The following SHISA7 variants were observed in gnomAD, a reference collection of about 807,000 sequenced individuals.
SHISA7 encodes the protein shisa family member 7, also known as protein shisa-7.
A neutral mutation model predicts 23.9 loss-of-function variants in SHISA7; 6 were observed. The ratio of observed to expected loss-of-function variants is 0.25; its 90% CI spans 0.14 to 0.50. The LOEUF (loss-of-function observed/expected upper bound fraction) is 0.50. SHISA7 is among the 20% of genes least tolerant of loss of function. SHISA7 has a pLI of 0.98. For missense variants in SHISA7, 671 were observed against 801.1 expected (o/e 0.84, Z 1.96); for synonymous variants, 386 against 398.3 (o/e 0.97, Z 0.37).
chr19:55,437,748 C>G lies in SHISA7; in HGVS notation c.833G>C (p.Arg278Pro), dbSNP rs1021841055. 3 of 1,549,988 alleles carry G rather than the reference C, an allele frequency of 1.9e-6. No individual in the cohort carries two copies. In the African/African-American group the frequency reaches 4.1e-5, roughly 21 times the overall value. ...GGAGGGGCTGGGCGGCGGCAAGGCT[C>G]GCCAGTCTGGGTTAGAGGGGGCAGG... Reference protein sequence around the residue: ...NTVKTPNLDWRALPPPSPSLH... With the variant: ...NTVKTPNLDWPALPPPSPSLH... Residue 278 changes from arginine to proline, a missense_variant, in exon 3 of 4, where the codon CGA (arginine) becomes CCA (proline). Arg to Pro is a moderately radical substitution (Grantham distance 103). This residue lies in a region of SHISA7 where 457 missense variants were observed against 488.3 expected (regional missense o/e 0.94). Transcript: ENST00000376325.
Position 55,431,549 on chromosome 19 carries a change from G to T in SHISA7, c.*1607C>A, listed in dbSNP as rs1985208592. On this transcript the variant is annotated 3_prime_UTR_variant, in exon 4 of 4. Transcript: ENST00000376325. ...AATCCTGGAAGAAGATGATACCATAGTTGTGGGTCATAGGTAATCCTGGGG... is the reference window on the plus strand; with the variant it reads ...AATCCTGGAAGAAGATGATACCATATTTGTGGGTCATAGGTAATCCTGGGG... 6.6e-6 allele frequency: 1 copy of T among 152,178 alleles called. No individual in the cohort carries two copies. The highest frequency in any genetic ancestry group is 1.5e-5 in the Non-Finnish European group (1 of 68,024). 9.4% of individuals were successfully genotyped at this position (152,178 alleles called of 1,614,324 possible).
At chr19:55,437,864 C>T in intron 2 of SHISA7, 110 bp from the exon 3 acceptor site, 1 of 1,341,208 alleles carries the variant, frequency 7.5e-7, no homozygotes, top group Non-Finnish European at 9.9e-7. Flanking sequence ...AACCCAGCCC[C>T]TCTTCCTTCA....
chr19:55,433,534 C>G lies in SHISA7; in HGVS notation c.1239G>C (p.Leu413=). The change falls in exon 4 of 4, where the codon CTG becomes CTC. Residue 413 remains leucine (L), a synonymous_variant. Coordinates refer to ENST00000376325, the MANE Select transcript of SHISA7 (RefSeq NM_001145176.2). This position sits in a 1 kb window ranked among gnomAD's most constrained non-coding sequence, Gnocchi z 8.4. ...GCAGGGCCTCGGGCGAGGACAGCAG[C>G]AGGTGCTCCTGCGACACCAGGCGCG... ...PRARLVSQEH[L]LLSSPEALRQ... is the part of the protein sequence containing the mutation. The G allele has an allele frequency of 1.3e-6, 2 of 1,490,394 alleles. No homozygotes were observed. The highest frequency in any genetic ancestry group is 2.5e-5 in the South Asian group (2 of 79,612). 92.3% of individuals were successfully genotyped at this position (1,490,394 alleles called of 1,614,324 possible).
chr19:55,440,471 G>T, intron 2 of SHISA7, 140 bp downstream of exon 2: 1 of 792,326 alleles, frequency 1.3e-6, no homozygotes, highest in Non-Finnish European at 1.7e-6. Flanking sequence ...CGCAGGGCAG[G>T]ACCCGGCAGT....
intron 2 of SHISA7, among the ~76,000 whole-genome samples, chr19:55,438,799 G>A (rs534496286): frequency 2.2e-4 from 33 of 152,118 alleles, no homozygotes; most frequent in African/African-American, 7.2e-4. Flanking sequence ...AACTGAGGCT[G>A]GGGGTCTTGA....
At position 55,442,836 on chromosome 19, in the gene SHISA7, G is replaced by A. The variant is rs1985628808; in HGVS notation, c.28C>T (p.Leu10=). 7.2e-7 allele frequency: 1 copy of A among 1,393,718 alleles called. No individual in the cohort carries two copies. Among genetic ancestry groups the A allele is most frequent in the Non-Finnish European group, 9.3e-7 (1 of 1,075,810 alleles). The allele number at this position is 1,393,718 out of a possible 1,614,324, so 86.3% of individuals were successfully genotyped here. Residue 10 remains leucine (L), a synonymous_variant, in exon 1 of 4, where the codon CTG becomes TTG. Coordinates refer to ENST00000376325, the MANE Select transcript of SHISA7 (RefSeq NM_001145176.2). ...CTGGCCTGGCCGGCGCTAGAGGCCA[G>A]GAGTACGAGGAGCAGGAGGGCCGGC... is the stretch of plus-strand genomic sequence containing the variant. MPALLLLVL[L]ASSAGQARAR...
Position 55,433,424 on chromosome 19 carries a change from G to A in SHISA7, c.1349C>T (p.Ser450Leu). ...DPTARASLAA[S>L]HSNLLLGPGG... ...GGGCCCCAGCAGCAGGTTGGAGTGCGAGGCGGCCAGGCTGGCCCGGGCGGT... is the reference window on the plus strand; with the variant it reads ...GGGCCCCAGCAGCAGGTTGGAGTGCAAGGCGGCCAGGCTGGCCCGGGCGGT... The change falls in exon 4 of 4, where the codon TCG becomes TTG. Residue 450 changes from serine to leucine, a missense_variant. By Grantham distance (145) the Ser-to-Leu change is moderately radical. Transcript: ENST00000376325. This position sits in a 1 kb window ranked among gnomAD's most constrained non-coding sequence, Gnocchi z 8.4. The A allele has an allele frequency of 7.5e-7, 1 of 1,325,922 alleles. No homozygotes were observed. Among genetic ancestry groups the A allele is most frequent in the East Asian group, 3.2e-5 (1 of 31,536 alleles). 82.1% of individuals were successfully genotyped at this position (1,325,922 alleles called of 1,614,324 possible). A position where few individuals can be genotyped will look rare whatever the true frequency, so the allele number is the denominator to read the frequency against.
intron 1 of SHISA7, among the ~76,000 whole-genome samples, 181 bp from the exon 2 acceptor site, chr19:55,440,946 G>A (rs1985587352): frequency 6.6e-6 from 1 of 152,046 alleles, no homozygotes; most frequent in Non-Finnish European, 1.5e-5. Context: ...CCTTTCTCAG[G>A]CCACACTTCC....
intron 3 of SHISA7, among the ~76,000 whole-genome samples, chr19:55,435,293 G>GGT (rs556347789): frequency 7.6e-6 from 1 of 132,162 alleles, no homozygotes; most frequent in Non-Finnish European, 1.6e-5. Flanking sequence ...GTGTATATGT[G>GGT]GTGTGTGTGT....
Position 55,442,406 on chromosome 19 carries a change from G to T in SHISA7, c.458C>A (p.Ala153Glu). 7.2e-7 allele frequency: 1 copy of T among 1,379,362 alleles called. No individual in the cohort carries two copies. Among genetic ancestry groups the T allele is most frequent in the Non-Finnish European group, 9.4e-7 (1 of 1,068,626 alleles). 85.4% of individuals were successfully genotyped at this position (1,379,362 alleles called of 1,614,324 possible). ...LAGGAGGAGGAGGGPGPGQAG... is the reference protein window; with the variant it reads ...LAGGAGGAGGEGGGPGPGQAG... ...CTGGCCGGGCCCTGGCCCCCCGCCC[G>T]CACCCCCAGCGCCCCCGGCGCCCCC... The change falls in exon 1 of 4, where the codon GCG (alanine) becomes GAG (glutamate). Residue 153 changes from alanine (A) to glutamate (E), a missense_variant. Physicochemically the swap from Ala to Glu is moderately radical, Grantham distance 107. This residue lies in a region of SHISA7 where 59 missense variants were observed against 57.2 expected (regional missense o/e 1.03). Coordinates refer to ENST00000376325, the MANE Select transcript of SHISA7 (RefSeq NM_001145176.2).
chr19:55,432,853 C>A lies in SHISA7; in HGVS notation c.*303G>T. On this transcript the variant is annotated 3_prime_UTR_variant, in exon 4 of 4. Transcript: ENST00000376325. The surrounding 1 kb of genome is among the most constrained non-coding windows in gnomAD (Gnocchi z 4.6). ...GGGCCGGCCTCTTCCTCTGTGATGA[C>A]CTCATGGGAACGAGGCTTTGTCCCT... The A allele has an allele frequency of 2.8e-6, 1 of 356,870 alleles. No homozygotes were observed. The allele number at this position is 356,870 out of a possible 1,614,324, so 22.1% of individuals were successfully genotyped here.
intron 3 of SHISA7, among the ~76,000 whole-genome samples, chr19:55,435,280 T>G (rs926760203): frequency 1.6e-5 from 2 of 125,704 alleles, no homozygotes; most frequent in Admixed American, 8.2e-5. Flanking sequence ...CGTGTGTGCG[T>G]GTGTGTATAT....
At chr19:55,437,823 G>A (rs929628195) in intron 2 of SHISA7, 69 bp from the exon 3 acceptor site, 28 of 1,485,326 alleles carry the variant, frequency 1.9e-5, no homozygotes, top group Admixed American at 9.1e-5. Context: ...CAGGCCCCCA[G>A]CCCCTGCTCC....
intron 1 of SHISA7, 43 bp from the exon 2 acceptor site, chr19:55,440,808 G>T: frequency 8.1e-7 from 1 of 1,235,156 alleles, no homozygotes; most frequent in Non-Finnish European, 1.0e-6. Context: ...GGGGCTGAGG[G>T]TGGCAGGGGT....
rs1047306736 is a variant in SHISA7, at chr19:55,437,594, C to A, written c.976+11G>T. On this transcript the variant is annotated intron_variant, in intron 3 of 3. Transcript: ENST00000376325. ...CCCCTTCACCGCCGCGCTGCCCTTG[C>A]CAGGACTCACCCAGCCTCTTGAGGG... is the stretch of plus-strand genomic sequence containing the variant. 1 of 1,550,256 alleles carries A rather than the reference C, an allele frequency of 6.5e-7. No individual in the cohort carries two copies. The highest frequency in any genetic ancestry group is 2.4e-5 in the East Asian group (1 of 40,882).
chr19:55,441,095 G>T (rs984883097), intron 1 of SHISA7, among the ~76,000 whole-genome samples: 1 of 152,152 alleles, frequency 6.6e-6, no homozygotes, highest in Non-Finnish European at 1.5e-5. Flanking sequence ...GCAACAAAGG[G>T]TGCTCCATTT....
intron 2 of SHISA7, among the ~76,000 whole-genome samples, chr19:55,440,383 GC>G (rs538812682): frequency 1.1e-4 from 16 of 152,380 alleles, no homozygotes; most frequent in Middle Eastern, 3.4e-3. Context: ...TGCCCATGGA[GC>G]CCCACCCAGG....
At chr19:55,442,092 A>G (rs1185830277) in intron 1 of SHISA7, 101 bp downstream of exon 1, 1 of 1,215,008 alleles carries the variant, frequency 8.2e-7, no homozygotes, top group Non-Finnish European at 1.1e-6. Flanking sequence ...GTCTCTGACC[A>G]CCACGCCCTA....
At position 55,433,723 on chromosome 19, in the gene SHISA7, G is replaced by C; in HGVS notation, c.1050C>G (p.His350Gln). The change falls in exon 4 of 4, where the codon CAC becomes CAG. Residue 350 changes from histidine to glutamine, a missense_variant. Around this residue, in one of 5 missense-constraint regions of SHISA7, gnomAD observed 457 missense variants for 488.3 expected, o/e 0.94. Coordinates refer to ENST00000376325, the MANE Select transcript of SHISA7 (RefSeq NM_001145176.2). The surrounding 1 kb of genome is among the most constrained non-coding windows in gnomAD (Gnocchi z 8.4). ...LELPRGTLPL[H>Q]ALRRPGTGGG... ...CCCCCGTGCCCGGCCGCCGCAGCGC[G>C]TGCAGGGGCAGCGTGCCGCGGGGCA... is the stretch of plus-strand genomic sequence containing the variant. 1.4e-6 allele frequency: 2 copies of C among 1,474,096 alleles called. No individual in the cohort carries two copies. Among genetic ancestry groups the C allele is most frequent in the East Asian group, 3.0e-5 (1 of 33,774 alleles). 91.3% of individuals were successfully genotyped at this position (1,474,096 alleles called of 1,614,324 possible).
Sources: allele counts gnomAD v4.1 joint callset (sites outside exome capture counted in the v4.1 genomes callset), GRCh38; gene constraint gnomAD v4.1.1; regional missense constraint gnomAD v4.1.1; non-coding constraint Gnocchi (gnomAD v3.1); transcripts MANE v1.5; gene names NCBI Gene and HGNC (gene_info 2026-07-23, HGNC 2026-07-21).